The following WDR7 variants were observed in gnomAD, a reference collection of about 807,000 sequenced individuals.
WDR7 encodes the protein WD repeat-containing protein 7.
A neutral mutation model predicts 169.4 loss-of-function variants in WDR7; 46 were observed. The ratio of observed to expected loss-of-function variants is 0.27; its 90% CI spans 0.21 to 0.35. The LOEUF is 0.35. Ranked by LOEUF, WDR7 falls within the 10% of genes least tolerant of loss-of-function variation. The pLI is 1.00. For synonymous variants in WDR7, 612 were observed against 666.8 expected (o/e 0.92, Z 1.27); for missense variants, 1,534 against 1,859.3 (o/e 0.83, Z 3.22).
chr18:56,963,949 AG>A (rs2047370096), intron 26 of WDR7, among the ~76,000 whole-genome samples: 1 of 151,856 alleles, frequency 6.6e-6, no homozygotes, highest in African/African-American at 2.4e-5. Context: ...AAAAAAAAAA[AG>A]AACAAGGTGA....
At chr18:56,922,266 G>GTGCAC (rs1341241918) in intron 21 of WDR7, among the ~76,000 whole-genome samples, 1 of 152,244 alleles carries the variant, frequency 6.6e-6, no homozygotes, top group African/African-American at 2.4e-5. Flanking sequence ...TAAATAATGT[G>GTGCAC]TGCACTGTGG....
At chr18:56,797,150 T>A (rs900501535) in intron 19 of WDR7, among the ~76,000 whole-genome samples, 5 of 152,224 alleles carry the variant, frequency 3.3e-5, no homozygotes, top group African/African-American at 1.2e-4. Flanking sequence ...TCTTTGGTAT[T>A]ACGTGTTTGA....
intron 22 of WDR7, among the ~76,000 whole-genome samples, chr18:56,928,233 G>A (rs57882581): frequency 0.033 from 5,012 of 152,272 alleles, 157 homozygotes; most frequent in African/African-American, 0.083. Flanking sequence ...GGAGGCCGAG[G>A]TGGGAGGATT....
chr18:57,013,158 A>C (rs902741879), intron 26 of WDR7, among the ~76,000 whole-genome samples: 13 of 152,128 alleles, frequency 8.5e-5, no homozygotes, highest in African/African-American at 3.1e-4. Flanking sequence ...AGATTCTCAT[A>C]AGGAGGGCAC....
chr18:57,005,201 A>T (rs187384374), intron 26 of WDR7, among the ~76,000 whole-genome samples: 34 of 152,222 alleles, frequency 2.2e-4, no homozygotes, highest in African/African-American at 8.2e-4. Context: ...AAAACTGTTT[A>T]AAAAAATGAT....
At chr18:56,871,741 G>A (rs1319257828) in intron 20 of WDR7, among the ~76,000 whole-genome samples, 1 of 151,790 alleles carries the variant, frequency 6.6e-6, no homozygotes, top group Non-Finnish European at 1.5e-5. Flanking sequence ...AGAAATTTCT[G>A]GCATAAAATT....
At chr18:56,654,235 G>A (rs1024110845) in intron 1 of WDR7, among the ~76,000 whole-genome samples, 1 of 152,002 alleles carries the variant, frequency 6.6e-6, no homozygotes, top group Non-Finnish European at 1.5e-5. Context: ...AGGTTCAAGC[G>A]ATTCTCCTGC....
chr18:56,817,343 C>CAAAA (rs79929553), intron 20 of WDR7, among the ~76,000 whole-genome samples: 768 of 70,606 alleles, frequency 0.011, 11 homozygotes, highest in Middle Eastern at 0.057. Flanking sequence ...GACTCTGTCT[C>CAAAA]AAAAAAAAAA....
At chr18:56,750,223 A>G (rs2043769785) in intron 14 of WDR7, among the ~76,000 whole-genome samples, 1 of 152,118 alleles carries the variant, frequency 6.6e-6, no homozygotes, top group Non-Finnish European at 1.5e-5. Context: ...TATTTCTGTA[A>G]TATTTTAAGT....
At chr18:56,765,427 T>C (rs936949444) in intron 16 of WDR7, among the ~76,000 whole-genome samples, 31 of 152,112 alleles carry the variant, frequency 2.0e-4, no homozygotes, top group Admixed American at 2.0e-3. Context: ...TTTTTTAGAG[T>C]CTGTAGTCTA....
At chr18:56,765,286 T>C (rs2044044336) in intron 16 of WDR7, among the ~76,000 whole-genome samples, 1 of 152,108 alleles carries the variant, frequency 6.6e-6, no homozygotes, top group African/African-American at 2.4e-5. Flanking sequence ...ACTACCTTAT[T>C]TTTCTCTTCG....
At position 56,759,152 on chromosome 18, in the gene WDR7, G is replaced by A. The variant is rs374337731; in HGVS notation, c.2848+199G>A. ...GATTTATTTAGAAAGTGATAAATGAGCATATTTCAGATAATTTTATTATAC... is the reference window on the plus strand; with the variant it reads ...GATTTATTTAGAAAGTGATAAATGAACATATTTCAGATAATTTTATTATAC... On this transcript the variant is annotated intron_variant, in intron 16 of 27. Transcript: ENST00000254442. Among the ~76,000 whole-genome samples the A allele has an allele frequency of 1.6e-4, 24 of 152,236 alleles. 1 individual carries two copies. In the East Asian group the frequency reaches 2.7e-3, roughly 17 times the overall value.
intron 20 of WDR7, among the ~76,000 whole-genome samples, chr18:56,874,606 C>G (rs2045997877): frequency 6.6e-6 from 1 of 151,856 alleles, no homozygotes; most frequent in African/African-American, 2.4e-5. Context: ...TCTGAAATAT[C>G]CTATACAAAA....
intron 20 of WDR7, among the ~76,000 whole-genome samples, chr18:56,839,121 A>G (rs2045441261): frequency 6.6e-6 from 1 of 152,290 alleles, no homozygotes; most frequent in East Asian, 1.9e-4. Context: ...AAGTTTTCTC[A>G]TAATTCATAT....
At chr18:56,909,460 C>T (rs1427244990) in intron 21 of WDR7, among the ~76,000 whole-genome samples, 1 of 152,030 alleles carries the variant, frequency 6.6e-6, no homozygotes, top group Non-Finnish European at 1.5e-5. Context: ...TGATATACTG[C>T]CTAGACATGA....
Position 56,734,279 on chromosome 18 carries a change from C to T in WDR7, c.1989+2682C>T, listed in dbSNP as rs118119632. On this transcript the variant is annotated intron_variant, in intron 14 of 27. Transcript: ENST00000254442. ...CTTTATCCTTTCCTTTATTCCCGTT[C>T]CTTTTGACTGTAGACCATGATAACT... 6.8e-3 allele frequency among the ~76,000 whole-genome samples: 1,028 copies of T among 152,178 alleles called. 5 individuals are homozygous for T. The highest frequency in any genetic ancestry group is 0.044 in the Middle Eastern group (13 of 294).
At chr18:56,717,798 T>G (rs1451803546) in intron 12 of WDR7, among the ~76,000 whole-genome samples, 166 bp from the exon 13 acceptor site, 2 of 152,232 alleles carry the variant, frequency 1.3e-5, no homozygotes, top group African/African-American at 4.8e-5. Flanking sequence ...TTGATCTGGG[T>G]TTTATGTATA....
At chr18:56,895,853 A>C (rs992243016) in intron 21 of WDR7, among the ~76,000 whole-genome samples, 4 of 151,870 alleles carry the variant, frequency 2.6e-5, no homozygotes, top group African/African-American at 9.7e-5. Context: ...TCTCAAATTA[A>C]TATACACATT....
chr18:56,935,284 G>C (rs1345145378), intron 22 of WDR7, among the ~76,000 whole-genome samples: 1 of 152,052 alleles, frequency 6.6e-6, no homozygotes, highest in Non-Finnish European at 1.5e-5. Context: ...TGGTACTAAG[G>C]ATATTTCAAA....
Sources: gnomAD v4.1 joint callset for allele counts (sites outside exome capture counted in the v4.1 genomes callset) on GRCh38, gnomAD v4.1.1 for gene constraint, MANE v1.5 for transcripts, NCBI Gene and HGNC (gene_info 2026-07-23, HGNC 2026-07-21) for gene names.